The following ADAMTS6 variants were observed in gnomAD, a reference collection of about 807,000 sequenced individuals.
The protein encoded by ADAMTS6 is A disintegrin and metalloproteinase with thrombospondin motifs 6.
A neutral mutation model predicts 144.3 loss-of-function variants in ADAMTS6; 23 were observed. The observed-to-expected ratio is 0.16, with a 90% CI of 0.11 to 0.23. The LOEUF (loss-of-function observed/expected upper bound fraction) is 0.23, where lower values mean the gene tolerates loss of function less well. Among genes scored for constraint, ADAMTS6 ranks in the 10% least tolerant of loss-of-function variants. The pLI, the probability that ADAMTS6 is intolerant of heterozygous loss-of-function variation, is 1.00. For synonymous variants in ADAMTS6, 444 were observed against 457.5 expected, an observed-to-expected ratio of 0.97 and a Z score of 0.38; for missense variants, 999 against 1,379.6, an observed-to-expected ratio of 0.72 and a Z score of 4.37.
chr5:65,209,452 C>T (rs1756344207), intron 20 of ADAMTS6, among the ~76,000 whole-genome samples: 1 of 152,176 alleles, frequency 6.6e-6, no homozygotes, highest in Non-Finnish European at 1.5e-5. Context: ...GAAGACAACA[C>T]CCCATAGCAT....
rs117381364 is a variant in ADAMTS6, at chr5:65,459,874, T to C, written c.631+296A>G. ...ACGAACACCACAGAGTACTACAGTA[T>C]AACTGTGCAAAAAAGCTATAGCTAT... On this transcript the variant is annotated intron_variant, in intron 4 of 24. Coordinates refer to ENST00000381055, the MANE Select transcript of ADAMTS6 (RefSeq NM_197941.4). Among the ~76,000 whole-genome samples the C allele has an allele frequency of 2.2e-4, 33 of 152,330 alleles. No homozygotes were observed. In the East Asian group the frequency reaches 4.4e-3, roughly 20 times the overall value.
At chr5:65,316,871 G>C (rs1745058805) in intron 9 of ADAMTS6, among the ~76,000 whole-genome samples, 1 of 151,318 alleles carries the variant, frequency 6.6e-6, no homozygotes, top group Admixed American at 6.6e-5. Flanking sequence ...TCGCAATCTT[G>C]GCTCACTGCA....
At chr5:65,337,919 T>C (rs1747459800) in intron 7 of ADAMTS6, among the ~76,000 whole-genome samples, 1 of 152,144 alleles carries the variant, frequency 6.6e-6, no homozygotes, top group African/African-American at 2.4e-5. Context: ...GCAGTACAAA[T>C]TGAAGAAAGA....
intron 11 of ADAMTS6, among the ~76,000 whole-genome samples, chr5:65,281,953 G>T (rs1469913297): frequency 3.3e-5 from 5 of 152,064 alleles, no homozygotes; most frequent in Non-Finnish European, 5.9e-5. Context: ...AATGGGAAGA[G>T]AAACTCTTCT....
At chr5:65,224,472 T>C in intron 17 of ADAMTS6, 72 bp from the exon 18 acceptor site, 6 of 1,258,276 alleles carry the variant, frequency 4.8e-6, no homozygotes, top group Non-Finnish European at 7.0e-6. Flanking sequence ...CATTCAATAG[T>C]AATAGTTTCC....
intron 7 of ADAMTS6, among the ~76,000 whole-genome samples, chr5:65,408,396 C>A (rs1754759450): frequency 6.6e-6 from 1 of 152,150 alleles, no homozygotes; most frequent in Admixed American, 6.5e-5. Flanking sequence ...TCAAAAGAGA[C>A]AAAGAAGGCC....
rs77989021 is a variant in ADAMTS6, at chr5:65,205,906, T to C, written c.2576-8755A>G. Among the ~76,000 whole-genome samples, 879 of 152,318 alleles carry C rather than the reference T, an allele frequency of 5.8e-3. 14 individuals are homozygous for C. Among genetic ancestry groups the C allele is most frequent in the African/African-American group, 0.02 (852 of 41,584 alleles). On this transcript the variant is annotated intron_variant, in intron 20 of 24. Coordinates refer to ENST00000381055, the MANE Select transcript of ADAMTS6 (RefSeq NM_197941.4). ...TCAGGAGGATGCATCGGAAGGAATATAGATATGAGAAATTTACATATTATT... is the reference window on the plus strand; with the variant it reads ...TCAGGAGGATGCATCGGAAGGAATACAGATATGAGAAATTTACATATTATT...
At chr5:65,449,487 G>A (rs1758569387) in intron 7 of ADAMTS6, among the ~76,000 whole-genome samples, 1 of 152,046 alleles carries the variant, frequency 6.6e-6, no homozygotes. Context: ...ATGGTGGCAC[G>A]CACCTGTAAT....
intron 7 of ADAMTS6, among the ~76,000 whole-genome samples, chr5:65,427,658 C>T (rs940159321): frequency 2.0e-4 from 31 of 151,402 alleles, no homozygotes; most frequent in Non-Finnish European, 2.8e-4. Context: ...ATAAGCCGGG[C>T]GTGGTGGCGG....
intron 18 of ADAMTS6, among the ~76,000 whole-genome samples, chr5:65,217,461 T>A (rs1387271356): frequency 2.0e-5 from 3 of 151,764 alleles, no homozygotes; most frequent in East Asian, 3.9e-4. Context: ...ATAATGTAGC[T>A]CAGAAAAACA....
At chr5:65,373,927 A>C (rs1231512901) in intron 7 of ADAMTS6, among the ~76,000 whole-genome samples, 3 of 152,198 alleles carry the variant, frequency 2.0e-5, no homozygotes, top group African/African-American at 7.2e-5. Flanking sequence ...AGTGGGCTTC[A>C]TCCCTGGGAT....
intron 7 of ADAMTS6, among the ~76,000 whole-genome samples, chr5:65,384,074 G>A (rs570160877): frequency 1.3e-5 from 2 of 152,200 alleles, no homozygotes; most frequent in South Asian, 4.1e-4. Flanking sequence ...TGATGGGTGG[G>A]GCAACCCCAA....
chr5:65,202,613 T>G (rs1365231578), intron 20 of ADAMTS6, among the ~76,000 whole-genome samples: 1 of 152,162 alleles, frequency 6.6e-6, no homozygotes, highest in Non-Finnish European at 1.5e-5. Context: ...AAATAGTGCA[T>G]TTTCAGGTCT....
intron 10 of ADAMTS6, among the ~76,000 whole-genome samples, chr5:65,294,613 C>T (rs1040914706): frequency 6.6e-6 from 1 of 152,070 alleles, no homozygotes; most frequent in Non-Finnish European, 1.5e-5. Flanking sequence ...GTAACTAAAG[C>T]CTATAGATGA....
At chr5:65,223,467 T>C (rs2112382274) in intron 18 of ADAMTS6, among the ~76,000 whole-genome samples, 1 of 152,312 alleles carries the variant, frequency 6.6e-6, no homozygotes, top group South Asian at 2.1e-4. Context: ...GACCAACATC[T>C]TCCCATTCCA....
chr5:65,292,658 G>A, intron 10 of ADAMTS6, among the ~76,000 whole-genome samples: 1 of 152,066 alleles, frequency 6.6e-6, no homozygotes, highest in East Asian at 1.9e-4. Context: ...TTCCTACGGT[G>A]ATATAGAGTT....
intron 12 of ADAMTS6, among the ~76,000 whole-genome samples, chr5:65,269,790 CTTTT>C (rs897216515): frequency 1.5e-5 from 2 of 133,206 alleles, no homozygotes; most frequent in African/African-American, 2.8e-5. Context: ...AGTGTAAGTA[CTTTT>C]TTTTTTTTTT....
chr5:65,392,419 T>C (rs1753000859), intron 7 of ADAMTS6, among the ~76,000 whole-genome samples: 1 of 152,206 alleles, frequency 6.6e-6, no homozygotes, highest in Non-Finnish European at 1.5e-5. Flanking sequence ...TATATATTAA[T>C]ACTAGTCAGC....
In ADAMTS6 at chr5:65,473,835, C is replaced by T; in HGVS notation, c.-162G>A. The T allele has an allele frequency of 1.8e-6, 1 of 547,886 alleles. No homozygotes were observed. The highest frequency in any genetic ancestry group is 3.3e-6 in the Non-Finnish European group (1 of 303,182). The allele number at this position is 547,886 out of a possible 1,614,324, so 33.9% of individuals were successfully genotyped here. Reference sequence around the variant, plus strand: ...AGCCACTTTTATCCAACATCCTGCACTTTCTTCTATATCTGGATTCATTTT... The same window carrying T: ...AGCCACTTTTATCCAACATCCTGCATTTTCTTCTATATCTGGATTCATTTT... On this transcript the variant is annotated 5_prime_UTR_variant, in exon 2 of 25. It adds an upstream start codon to the 5' untranslated region. Coordinates refer to ENST00000381055, the MANE Select transcript of ADAMTS6 (RefSeq NM_197941.4).
Sources: gnomAD v4.1 joint callset for allele counts (sites outside exome capture counted in the v4.1 genomes callset) on GRCh38, gnomAD v4.1.1 for gene constraint, MANE v1.5 for transcripts, NCBI Gene and HGNC (gene_info 2026-07-23, HGNC 2026-07-21) for gene names.